SERPINB10: variants seen among roughly 807,000 people sequenced by gnomAD.
SERPINB10 encodes serpin family B member 10, also known as serpin B10.
A neutral mutation model predicts 39.1 loss-of-function variants in SERPINB10; 35 were observed. That is an observed-to-expected ratio of 0.90 (90% CI 0.68 to 1.19). The LOEUF (loss-of-function observed/expected upper bound fraction) is 1.19, where lower values mean the gene tolerates loss of function less well. Among genes scored for constraint, SERPINB10 ranks in the 50% most tolerant of loss-of-function variants. The probability of loss-of-function intolerance (pLI) is 0.00; values close to 1 mark genes in which losing one functional copy is unlikely to be tolerated. For missense variants in SERPINB10, 546 were observed against 460.5 expected (o/e 1.19, Z -1.70); for synonymous variants, 190 against 158.1 (o/e 1.20, Z -1.52).
At chr18:63,933,335 G>A (rs1324521851) in intron 7 of SERPINB10, 132 bp downstream of exon 7, 8 of 948,180 alleles carry the variant, frequency 8.4e-6, no homozygotes, top group African/African-American at 3.3e-5. Flanking sequence ...TATAGAGAAA[G>A]GTCACCAATG....
At chr18:63,914,997 G>A (rs1372287957) in intron 1 of SERPINB10, among the ~76,000 whole-genome samples, 1 of 152,006 alleles carries the variant, frequency 6.6e-6, no homozygotes, top group Non-Finnish European at 1.5e-5. Context: ...TTCCATGTTT[G>A]CATAAATTAA....
intron 5 of SERPINB10, among the ~76,000 whole-genome samples, chr18:63,924,712 C>T (rs1254731225): frequency 1.3e-5 from 2 of 152,098 alleles, no homozygotes; most frequent in African/African-American, 2.4e-5. Context: ...ACACCCCAAC[C>T]TCCCAAGAAG....
rs750980652 is a variant in SERPINB10, at chr18:63,917,464, A to T, written c.177A>T (p.Gln59His). Reference protein sequence around the residue: ...TTAAQMAQVLQFNRDQGVKCD... With the variant: ...TTAAQMAQVLHFNRDQGVKCD... ...TTTTATTGAAATTACAGGTGCTTCAATTTAACAGAGACCAGGGAGTCAAAT... is the reference window on the plus strand; with the variant it reads ...TTTTATTGAAATTACAGGTGCTTCATTTTAACAGAGACCAGGGAGTCAAAT... The change falls in exon 3 of 8, where the codon CAA becomes CAT. Residue 59 changes from glutamine to histidine, a missense_variant. By Grantham distance (24) the Gln-to-His change is conservative. Transcript: ENST00000238508. 3 of 1,578,250 alleles carry T rather than the reference A, an allele frequency of 1.9e-6. No individual in the cohort carries two copies. In the Admixed American group the frequency reaches 5.5e-5, roughly 29 times the overall value.
chr18:63,919,236 A>ATTTTTT (rs397969917), intron 4 of SERPINB10, among the ~76,000 whole-genome samples: 27,765 of 142,282 alleles, frequency 0.2, 2,856 homozygotes, highest in Admixed American at 0.29. Context: ...TGAAGGCCTC[A>ATTTTTT]TTTTTTTTTT....
intron 5 of SERPINB10, among the ~76,000 whole-genome samples, 167 bp downstream of exon 5, chr18:63,920,072 T>A (rs1260594490): frequency 6.6e-6 from 1 of 152,082 alleles, no homozygotes; most frequent in Non-Finnish European, 1.5e-5. Context: ...TTAGATTCAC[T>A]GCCTTCCTAA....
intron 6 of SERPINB10, among the ~76,000 whole-genome samples, chr18:63,930,993 G>C (rs2050218081): frequency 6.6e-6 from 1 of 152,170 alleles, no homozygotes; most frequent in Non-Finnish European, 1.5e-5. Context: ...CAATCAGTGG[G>C]GTGAGGATGG....
intron 6 of SERPINB10, among the ~76,000 whole-genome samples, chr18:63,930,522 T>C (rs2050214925): frequency 6.6e-6 from 1 of 151,908 alleles, no homozygotes; most frequent in African/African-American, 2.4e-5. Context: ...AACCTAAGAG[T>C]CCTCACTGCA....
intron 5 of SERPINB10, among the ~76,000 whole-genome samples, chr18:63,923,740 T>C (rs2050161844): frequency 6.6e-6 from 1 of 151,954 alleles, no homozygotes. Flanking sequence ...CTGTCCCTTC[T>C]TGCCTTCAGT....
intron 4 of SERPINB10, among the ~76,000 whole-genome samples, chr18:63,918,556 C>A (rs977311060): frequency 2.0e-5 from 3 of 152,020 alleles, no homozygotes; most frequent in Non-Finnish European, 4.4e-5. Context: ...AAGAGGGTCA[C>A]ATGACAACCC....
At chr18:63,929,712 C>CAAAAAAAAAAAAAAAAAAAAAAAAAA (rs74169990) in intron 5 of SERPINB10, among the ~76,000 whole-genome samples, 3 of 97,346 alleles carry the variant, frequency 3.1e-5, no homozygotes, top group Non-Finnish European at 4.9e-5. Flanking sequence ...AGCTAAAGTG[C>CAAAAAAAAAAAAAAAAAAAAAAAAAA]AAAAAAAAAA....
At chr18:63,917,913 G>T in intron 3 of SERPINB10, 52 bp from the exon 4 acceptor site, 1 of 1,540,910 alleles carries the variant, frequency 6.5e-7, no homozygotes. Flanking sequence ...TTGCTAACAT[G>T]TACGTAACTC....
At chr18:63,915,930 T>C (rs1055699465) in intron 2 of SERPINB10, among the ~76,000 whole-genome samples, 2 of 152,054 alleles carry the variant, frequency 1.3e-5, no homozygotes, top group Non-Finnish European at 2.9e-5. Context: ...AAGGATAAGG[T>C]TATCAATTTT....
At chr18:63,910,218 C>T (rs534276190) in intron 1 of SERPINB10, among the ~76,000 whole-genome samples, 8 of 152,062 alleles carry the variant, frequency 5.3e-5, no homozygotes, top group African/African-American at 1.9e-4. Flanking sequence ...GGCCAGGTGA[C>T]GTTCATGCAA....
chr18:63,933,105 A>G lies in SERPINB10; in HGVS notation c.691A>G (p.Ile231Val). The G allele has an allele frequency of 6.2e-7, 1 of 1,614,062 alleles. No individual in the cohort carries two copies. ...GAAGAAAAAGCTTCACATTTTTCAC[A>G]TAGAAAAGCCAAAAGCAGTGGGCCT... ...FMKKKLHIFH[I>V]EKPKAVGLQL... The change falls in exon 7 of 8, where the codon ATA becomes GTA. Residue 231 changes from isoleucine (I) to valine (V), a missense_variant. By Grantham distance (29) the Ile-to-Val change is conservative (BLOSUM62 3). Coordinates refer to ENST00000238508, the MANE Select transcript of SERPINB10 (RefSeq NM_005024.3).
At chr18:63,910,778 G>GCA (rs2050058944) in intron 1 of SERPINB10, among the ~76,000 whole-genome samples, 1 of 151,898 alleles carries the variant, frequency 6.6e-6, no homozygotes, top group African/African-American at 2.4e-5. Context: ...GTGTGTGTGT[G>GCA]TGTCTCTTTG....
At chr18:63,926,689 G>A (rs2050184191) in intron 5 of SERPINB10, among the ~76,000 whole-genome samples, 1 of 151,966 alleles carries the variant, frequency 6.6e-6, no homozygotes, top group South Asian at 2.1e-4. Flanking sequence ...GATTAAAGGT[G>A]AATAAGAAGA....
intron 5 of SERPINB10, among the ~76,000 whole-genome samples, chr18:63,920,966 T>C (rs1193785571): frequency 6.6e-6 from 1 of 151,954 alleles, no homozygotes; most frequent in Admixed American, 6.6e-5. Flanking sequence ...GAAGCTGAGA[T>C]TTTAGAGAAA....
chr18:63,934,369 A>C (rs1199599023), intron 7 of SERPINB10, among the ~76,000 whole-genome samples: 4 of 152,110 alleles, frequency 2.6e-5, no homozygotes, highest in Non-Finnish European at 5.9e-5. Flanking sequence ...TTTTTGACTT[A>C]GTCTATAATT....
chr18:63,924,234 C>T (rs2050165300), intron 5 of SERPINB10, among the ~76,000 whole-genome samples: 1 of 151,944 alleles, frequency 6.6e-6, no homozygotes, highest in African/African-American at 2.4e-5. Flanking sequence ...CACTGTTGGG[C>T]TGACATTGAT....
Sources: gnomAD v4.1 joint callset for allele counts (sites outside exome capture counted in the v4.1 genomes callset) on GRCh38, gnomAD v4.1.1 for gene constraint, MANE v1.5 for transcripts, NCBI Gene and HGNC (gene_info 2026-07-23, HGNC 2026-07-21) for gene names.